The following SLC17A4 variants were observed in gnomAD, a reference collection of about 807,000 sequenced individuals.
SLC17A4 encodes the protein solute carrier family 17 member 4, also known as probable small intestine urate exporter.
Under a neutral mutation model 52.5 loss-of-function variants are expected in SLC17A4, and 33 were observed. The ratio of observed to expected loss-of-function variants is 0.63; its 90% CI spans 0.48 to 0.84. The LOEUF is 0.84. Among genes scored for constraint, SLC17A4 ranks in the 40% least tolerant of loss-of-function variants. SLC17A4 has a pLI of 0.00. For synonymous variants in SLC17A4, 225 were observed against 216.2 expected (o/e 1.04, Z -0.36); for missense variants, 585 against 597.1 (o/e 0.98, Z 0.21).
intron 2 of SLC17A4, among the ~76,000 whole-genome samples, chr6:25,767,062 A>G (rs1582684394): frequency 6.6e-6 from 1 of 152,194 alleles, no homozygotes; most frequent in Non-Finnish European, 1.5e-5. Context: ...GATATAGAGG[A>G]ACTCAACAAT....
At chr6:25,772,177 A>G (rs1020365627) in intron 6 of SLC17A4, among the ~76,000 whole-genome samples, 1 of 152,222 alleles carries the variant, frequency 6.6e-6, no homozygotes, top group African/African-American at 2.4e-5. Flanking sequence ...AGGGCAGGTT[A>G]CAAAAATTAT....
At chr6:25,773,891 T>C (rs575646418) in intron 8 of SLC17A4, among the ~76,000 whole-genome samples, 1 of 152,302 alleles carries the variant, frequency 6.6e-6, no homozygotes, top group East Asian at 1.9e-4. Context: ...GGTTCTAGTT[T>C]GATTTTCATA....
chr6:25,770,953 T>C lies in SLC17A4; in HGVS notation c.647T>C (p.Leu216Pro). 2 of 1,613,938 alleles carry C rather than the reference T, an allele frequency of 1.2e-6. No individual in the cohort carries two copies. The highest frequency in any genetic ancestry group is 1.7e-6 in the Non-Finnish European group (2 of 1,179,860). Residue 216 changes from leucine to proline, a missense_variant, in exon 6 of 12, where the codon CTA (leucine) becomes CCA (proline). Leu to Pro is a moderately conservative substitution (Grantham distance 98). Coordinates refer to ENST00000377905, the MANE Select transcript of SLC17A4 (RefSeq NM_005495.3). ...SGSMLGSFIV[L>P]LAGGLLCQTI... ...TCAATGCTGGGGTCCTTCATTGTTC[T>C]ACTTGCTGGTGGTCTCCTCTGCCAG...
intron 1 of SLC17A4, among the ~76,000 whole-genome samples, chr6:25,757,540 T>C (rs1342196696): frequency 6.6e-6 from 1 of 152,100 alleles, no homozygotes; most frequent in African/African-American, 2.4e-5. Flanking sequence ...AAAGTATACC[T>C]TCTTTCCCCT....
At chr6:25,766,068 A>T (rs1425889647) in intron 2 of SLC17A4, among the ~76,000 whole-genome samples, 1 of 151,114 alleles carries the variant, frequency 6.6e-6, no homozygotes, top group Non-Finnish European at 1.5e-5. Context: ...ATTATAATTT[A>T]TAATTATAAA....
In SLC17A4 at chr6:25,770,897, C is replaced by T; in HGVS notation, c.620-29C>T. On this transcript the variant is annotated intron_variant, in intron 5 of 11. Transcript: ENST00000377905. Reference sequence around the variant, plus strand: ...TAGAGCCCCAAGACGAGTCCTCTCACCCAGAACATCCTCGCCTCTTCTGTT... The same window carrying T: ...TAGAGCCCCAAGACGAGTCCTCTCATCCAGAACATCCTCGCCTCTTCTGTT... 2 of 1,580,038 alleles carry T rather than the reference C, an allele frequency of 1.3e-6. 1 individual carries two copies. The highest frequency in any genetic ancestry group is 3.3e-4 in the Middle Eastern group (2 of 6,006).
intron 1 of SLC17A4, among the ~76,000 whole-genome samples, chr6:25,761,648 T>A (rs965453507): frequency 6.6e-6 from 1 of 152,178 alleles, no homozygotes; most frequent in African/African-American, 2.4e-5. Flanking sequence ...TTTAGAGACA[T>A]GGGAACACAG....
At chr6:25,759,901 A>G (rs1366740805) in intron 1 of SLC17A4, among the ~76,000 whole-genome samples, 1 of 152,220 alleles carries the variant, frequency 6.6e-6, no homozygotes, top group Non-Finnish European at 1.5e-5. Flanking sequence ...GCATTTAACT[A>G]TGCAAATATT....
At chr6:25,761,788 G>A in intron 1 of SLC17A4, 139 bp from the exon 2 acceptor site, 1 of 558,882 alleles carries the variant, frequency 1.8e-6, no homozygotes, top group Non-Finnish European at 3.1e-6. Flanking sequence ...GATAGAGCCA[G>A]GATGACAAGT....
At chr6:25,761,256 G>A (rs958611939) in intron 1 of SLC17A4, among the ~76,000 whole-genome samples, 6 of 152,168 alleles carry the variant, frequency 3.9e-5, no homozygotes, top group African/African-American at 1.4e-4. Flanking sequence ...TGTTGAAAGG[G>A]GAAGAGCCTC....
rs1411430714 is a variant in SLC17A4, at chr6:25,780,319, T to G, written c.*1131T>G. 1 of 152,210 alleles carries G rather than the reference T, an allele frequency of 6.6e-6. No individual in the cohort carries two copies. Among genetic ancestry groups the G allele is most frequent in the African/African-American group, 2.4e-5 (1 of 41,448 alleles). 9.4% of individuals were successfully genotyped at this position (152,210 alleles called of 1,614,324 possible). A position where few individuals can be genotyped will look rare whatever the true frequency, so the allele number is the denominator to read the frequency against. Reference sequence around the variant, plus strand: ...AATCAAAGTATCACACAAGTGAATATGTAATAACAACTGTAGAAATAATGA... The same window carrying G: ...AATCAAAGTATCACACAAGTGAATAGGTAATAACAACTGTAGAAATAATGA... On this transcript the variant is annotated 3_prime_UTR_variant, in exon 12 of 12. Transcript: ENST00000377905.
intron 1 of SLC17A4, among the ~76,000 whole-genome samples, chr6:25,758,742 CT>C (rs34590006): frequency 0.81 from 123,127 of 152,066 alleles, 51,105 homozygotes; most frequent in East Asian, 0.98. Context: ...AAAGAACCAG[CT>C]TTTTTGTTTC....
intron 6 of SLC17A4, among the ~76,000 whole-genome samples, chr6:25,771,899 G>C (rs143255329): frequency 1.6e-4 from 25 of 152,252 alleles, no homozygotes; most frequent in Non-Finnish European, 2.4e-4. Context: ...ATTTTACTAC[G>C]TTACAGTTTT....
intron 1 of SLC17A4, among the ~76,000 whole-genome samples, chr6:25,760,373 T>C (rs1761431804): frequency 6.6e-6 from 1 of 152,210 alleles, no homozygotes; most frequent in Non-Finnish European, 1.5e-5. Flanking sequence ...GTAAGTGATC[T>C]TCTATGGTAT....
chr6:25,771,136 C>T, intron 6 of SLC17A4, 124 bp downstream of exon 6: 1 of 770,262 alleles, frequency 1.3e-6, no homozygotes, highest in Non-Finnish European at 2.2e-6. Context: ...GTGTTCAGAG[C>T]CAACTACATT....
chr6:25,767,970 A>G (rs975766189), intron 2 of SLC17A4, among the ~76,000 whole-genome samples: 1 of 152,210 alleles, frequency 6.6e-6, no homozygotes, highest in Admixed American at 6.5e-5. Context: ...TTAACTGAAG[A>G]TAACTATAAA....
chr6:25,758,771 T>G (rs936419409), intron 1 of SLC17A4, among the ~76,000 whole-genome samples: 4 of 145,820 alleles, frequency 2.7e-5, no homozygotes, highest in Admixed American at 2.1e-4. Context: ...TTTTGTATTT[T>G]TTGTTTGTTT....
At chr6:25,767,352 C>T (rs1044283987) in intron 2 of SLC17A4, among the ~76,000 whole-genome samples, 3 of 151,992 alleles carry the variant, frequency 2.0e-5, no homozygotes, top group South Asian at 2.1e-4. Context: ...CCCAATAATA[C>T]GAAGGTGGTA....
Position 25,776,932 on chromosome 6 carries a change from T to C in SLC17A4, c.1241T>C (p.Leu414Pro), listed in dbSNP as rs1314706831. ...AGCAGCTTCTGTGAATCAGGAGCCC[T>C]TGTTAACTTCTTGGATATTGCTCCT... The part of the protein sequence containing the change: ...AISSFCESGA[L>P]VNFLDIAPRY... The change falls in exon 10 of 12, where the codon CTT becomes CCT. Residue 414 changes from leucine to proline, a missense_variant. By Grantham distance (98) the Leu-to-Pro change is moderately conservative (BLOSUM62 -3). Coordinates refer to ENST00000377905, the MANE Select transcript of SLC17A4 (RefSeq NM_005495.3). 2 of 1,613,418 alleles carry C rather than the reference T, an allele frequency of 1.2e-6. No individual in the cohort carries two copies. Among genetic ancestry groups the C allele is most frequent in the Non-Finnish European group, 1.7e-6 (2 of 1,179,618 alleles).
Sources: allele counts gnomAD v4.1 joint callset (sites outside exome capture counted in the v4.1 genomes callset), GRCh38; gene constraint gnomAD v4.1.1; transcripts MANE v1.5; gene names NCBI Gene and HGNC (gene_info 2026-07-23, HGNC 2026-07-21).